The following NDUFAF6 variants were observed in gnomAD, a reference collection of about 807,000 sequenced individuals.
NDUFAF6 encodes the protein NADH dehydrogenase (ubiquinone) complex I, assembly factor 6.
NDUFAF6 carries 45 observed loss-of-function variants against 40.8 expected under a neutral mutation model. That is an observed-to-expected ratio of 1.10 (90% confidence interval 0.87 to 1.42). The LOEUF is 1.42. Among genes scored for constraint, NDUFAF6 ranks in the 40% most tolerant of loss-of-function variants. The pLI, the probability that NDUFAF6 is intolerant of heterozygous loss-of-function variation, is 0.00. For missense variants in NDUFAF6, 435 were observed against 418.5 expected (o/e 1.04, Z -0.34); for synonymous variants, 185 against 155.9 (o/e 1.19, Z -1.39).
rs764734256 is a variant in NDUFAF6 at position 95,025,029 on chromosome 8, C to G, written c.21C>G (p.Gly7=). The change falls in exon 1 of 9, where the codon GGC becomes GGG. Residue 7 remains glycine (G), a synonymous_variant. Coordinates refer to ENST00000396124, the MANE Select transcript of NDUFAF6 (RefSeq NM_152416.4). MAASAH[G]SVWGPLRLGI... is the part of the protein sequence containing the mutation. ...GCGTCATGGCGGCCTCCGCGCACGG[C>G]TCTGTCTGGGGGCCGTTGCGGCTTG... The G allele has an allele frequency of 5.8e-6, 8 of 1,380,192 alleles. No homozygotes were observed. The highest frequency in any genetic ancestry group is 3.6e-5 in the Admixed American group (1 of 27,694). 85.5% of individuals were successfully genotyped at this position (1,380,192 alleles called of 1,614,324 possible). A position where few individuals can be genotyped will look rare whatever the true frequency, so the allele number is the denominator to read the frequency against.
chr8:94,912,980 T>C (rs1267737196), intron 1 of NDUFAF6, among the ~76,000 whole-genome samples: 1 of 152,154 alleles, frequency 6.6e-6, no homozygotes, highest in Non-Finnish European at 1.5e-5. Flanking sequence ...TCCATCTCAA[T>C]CAATCAATAG....
At chr8:95,110,337 T>C (rs1403661643) in intron 4 of NDUFAF6, among the ~76,000 whole-genome samples, 1 of 152,236 alleles carries the variant, frequency 6.6e-6, no homozygotes, top group Non-Finnish European at 1.5e-5. Context: ...ACAGGCACAA[T>C]TTCATTGCTC....
At chr8:94,938,256 G>A (rs1272506984) in intron 1 of NDUFAF6, among the ~76,000 whole-genome samples, 1 of 152,190 alleles carries the variant, frequency 6.6e-6, no homozygotes, top group African/African-American at 2.4e-5. Flanking sequence ...GTACGATGAT[G>A]GATGGAATGA....
chr8:94,896,375 T>C (rs1375251061), intron 1 of NDUFAF6: 6 of 151,564 alleles, frequency 4.0e-5, no homozygotes, highest in Admixed American at 3.3e-4. Flanking sequence ...CCCGACGCTC[T>C]TCCTTTATCC....
At chr8:94,946,401 C>T (rs1456432639) in intron 2 of NDUFAF6, among the ~76,000 whole-genome samples, 3 of 151,880 alleles carry the variant, frequency 2.0e-5, no homozygotes, top group Non-Finnish European at 4.4e-5. Flanking sequence ...TATTGTGGTA[C>T]TTAAAGACTG....
downstream of NDUFAF6, among the ~76,000 whole-genome samples, chr8:95,063,181 T>C (rs189800201): frequency 5.2e-3 from 789 of 152,370 alleles, 6 homozygotes; most frequent in African/African-American, 0.018. Context: ...TATATCCTAA[T>C]GGAGATTATC....
chr8:95,086,758 C>T (rs558256796), intron 2 of NDUFAF6, among the ~76,000 whole-genome samples: 107 of 152,202 alleles, frequency 7.0e-4, no homozygotes, highest in African/African-American at 2.5e-3. Flanking sequence ...CCCCCCACCA[C>T]GCCCGGCTAA....
At chr8:95,019,418 C>G (rs112998976) in intron 2 of NDUFAF6, among the ~76,000 whole-genome samples, 1,822 of 152,316 alleles carry the variant, frequency 0.012, 45 homozygotes, top group African/African-American at 0.04. Context: ...CATGTGACAA[C>G]TATGACAAGT....
intron 6 of NDUFAF6, 106 bp downstream of exon 6, chr8:95,047,233 A>C: frequency 6.8e-7 from 1 of 1,476,442 alleles, no homozygotes; most frequent in Non-Finnish European, 9.3e-7. Context: ...CTTTGAAAGG[A>C]ATGCTTATTG....
At chr8:95,030,423 C>T (rs1428143673) in intron 1 of NDUFAF6, among the ~76,000 whole-genome samples, 1 of 152,014 alleles carries the variant, frequency 6.6e-6, no homozygotes, top group Admixed American at 6.6e-5. Context: ...TTTGTAAAGA[C>T]AGTGTCTCAC....
At chr8:95,046,909 T>C (rs915746056) in intron 5 of NDUFAF6, 85 bp from the exon 6 acceptor site, 1 of 1,557,062 alleles carries the variant, frequency 6.4e-7, no homozygotes, top group African/African-American at 1.4e-5. Flanking sequence ...TCCTTTTACA[T>C]GTTTAGGTTA....
intron 2 of NDUFAF6, 114 bp downstream of exon 2, chr8:95,032,208 C>T (rs1025535193): frequency 2.2e-6 from 2 of 894,228 alleles, no homozygotes; most frequent in African/African-American, 3.3e-5. Context: ...TTTAAGGTCT[C>T]TGCTAGTGAT....
chr8:94,948,539 G>A (rs1320164), intron 2 of NDUFAF6, among the ~76,000 whole-genome samples: 69,997 of 152,064 alleles, frequency 0.46, 17,086 homozygotes, highest in East Asian at 0.72. Flanking sequence ...ACAGGCGGGG[G>A]CCGGTGGCCG....
At chr8:95,108,566 G>T (rs1197491709) in intron 4 of NDUFAF6, among the ~76,000 whole-genome samples, 1 of 152,164 alleles carries the variant, frequency 6.6e-6, no homozygotes, top group Admixed American at 6.5e-5. Flanking sequence ...GGGACAAATT[G>T]GGAGTTATTG....
At chr8:94,951,750 C>T (rs114924397) in intron 2 of NDUFAF6, among the ~76,000 whole-genome samples, 1 of 152,336 alleles carries the variant, frequency 6.6e-6, no homozygotes, top group African/African-American at 2.4e-5. Context: ...TTTGCAGACA[C>T]ACAAATTTAC....
At chr8:95,034,331 C>CA (rs1256001255) in intron 2 of NDUFAF6, among the ~76,000 whole-genome samples, 1 of 152,062 alleles carries the variant, frequency 6.6e-6, no homozygotes, top group Non-Finnish European at 1.5e-5. Flanking sequence ...AGTACACTTA[C>CA]AAAAAAATAA....
chr8:95,112,359 G>T lies in NDUFAF6; in HGVS notation n.345-3177G>T, dbSNP rs137915564. Among the ~76,000 whole-genome samples, 14 of 152,274 alleles carry T rather than the reference G, an allele frequency of 9.2e-5. No homozygotes were observed. In the East Asian group the frequency reaches 1.3e-3, roughly 15 times the overall value. Reference sequence around the variant, plus strand: ...AGGGTGGGCCCTAATCTAGTGACAGGTGTCCTTATAAGAGAAAGGCAGAGG... The same window carrying T: ...AGGGTGGGCCCTAATCTAGTGACAGTTGTCCTTATAAGAGAAAGGCAGAGG... On this transcript the variant is annotated intron_variant and non_coding_transcript_variant, in intron 4 of 5. Coordinates refer to the NDUFAF6 transcript ENST00000523184.
chr8:94,965,250 T>C (rs913044396), intron 1 of NDUFAF6, among the ~76,000 whole-genome samples: 12 of 87,216 alleles, frequency 1.4e-4, no homozygotes, highest in Non-Finnish European at 2.3e-4. Flanking sequence ...GATGATATAA[T>C]TAAAGGACCG....
intron 9 of NDUFAF6, among the ~76,000 whole-genome samples, chr8:95,064,224 AATTG>A (rs1468632214): frequency 6.6e-6 from 1 of 151,686 alleles, no homozygotes; most frequent in Non-Finnish European, 1.5e-5. Flanking sequence ...CAGTTTTCTA[AATTG>A]ATTAAGAAAT....
Sources: allele counts gnomAD v4.1 joint callset (sites outside exome capture counted in the v4.1 genomes callset), GRCh38; gene constraint gnomAD v4.1.1; transcripts MANE v1.5; gene names NCBI Gene and HGNC (gene_info 2026-07-23, HGNC 2026-07-21).